Variants in TMEM175 observed in about 807,000 individuals in gnomAD.
The protein encoded by TMEM175 is endosomal/lysosomal proton channel TMEM175.
A neutral mutation model predicts 36.5 loss-of-function variants in TMEM175; 36 were observed. The observed-to-expected ratio is 0.99, with a 90% CI of 0.76 to 1.30. The LOEUF (loss-of-function observed/expected upper bound fraction) is 1.30, where lower values mean the gene tolerates loss of function less well. TMEM175 is among the 50% of genes most tolerant of loss of function. TMEM175 has a pLI of 0.00. For synonymous variants in TMEM175, 339 were observed against 313.4 expected, an observed-to-expected ratio of 1.08 and a Z score of -0.86; for missense variants, 705 against 692.8, an observed-to-expected ratio of 1.02 and a Z score of -0.20.
At chr4:938,321 C>T (rs973254074) in intron 1 of TMEM175, among the ~76,000 whole-genome samples, 15 of 152,134 alleles carry the variant, frequency 9.9e-5, no homozygotes, top group East Asian at 9.7e-4. Context: ...CTGGCCAACA[C>T]GGTGAAACCC....
chr4:945,845 C>G (rs1185874325), intron 1 of TMEM175, among the ~76,000 whole-genome samples: 1 of 152,146 alleles, frequency 6.6e-6, no homozygotes, highest in East Asian at 1.9e-4. Flanking sequence ...CCTGTCCTGC[C>G]CCCGGCTGCT....
At position 958,407 on chromosome 4, in the gene TMEM175, C is replaced by G. The variant is rs987212906; in HGVS notation, c.1426C>G (p.Leu476Val). 3 of 1,599,676 alleles carry G rather than the reference C, an allele frequency of 1.9e-6. No individual in the cohort carries two copies. The highest frequency in any genetic ancestry group is 2.5e-6 in the Non-Finnish European group (3 of 1,178,962). The change falls in exon 11 of 11, where the codon CTG (leucine) becomes GTG (valine). Residue 476 changes from leucine to valine, a missense_variant. Transcript: ENST00000264771. ...VGLALATLRV[L>V]RGLARPEHPP... ...CCTGGCCCTGGCCACCCTGCGGGTC[C>G]TGCGGGGCCTCGCCCGGCCCGAACA... is the stretch of plus-strand genomic sequence containing the variant.
chr4:955,340 G>A, intron 8 of TMEM175, 65 bp from the exon 9 acceptor site: 1 of 1,311,308 alleles, frequency 7.6e-7, no homozygotes, highest in South Asian at 1.2e-5. Flanking sequence ...ACACAGCTTT[G>A]TGTGGGTAAG....
At chr4:950,748 T>C (rs1163697734) in intron 4 of TMEM175, among the ~76,000 whole-genome samples, 1 of 137,568 alleles carries the variant, frequency 7.3e-6, no homozygotes, top group Admixed American at 7.2e-5. Context: ...GATGGTGCAA[T>C]AGGTGGAGGT....
At position 932,758 on chromosome 4, in the gene TMEM175, A is replaced by G. The variant is rs1157076855; in HGVS notation, c.-32+218A>G. Among the ~76,000 whole-genome samples the G allele has an allele frequency of 6.6e-6, 1 of 152,206 alleles. No individual in the cohort carries two copies. The highest frequency in any genetic ancestry group is 1.5e-5 in the Non-Finnish European group (1 of 68,038). On this transcript the variant is annotated intron_variant, in intron 1 of 10. Transcript: ENST00000264771. The surrounding 1 kb of genome is among the most constrained non-coding windows in gnomAD (Gnocchi z 4.0). The stretch of plus-strand genomic sequence containing the variant: ...GTTAGCGTGCGTTAAGCTTTCAGTA[A>G]ATACTTGGTTTTCGTCTCATGGAGG...
chr4:941,796 G>A (rs951071052), intron 1 of TMEM175, among the ~76,000 whole-genome samples: 2 of 151,946 alleles, frequency 1.3e-5, no homozygotes, highest in Admixed American at 6.6e-5. Context: ...TTGGCCAGGC[G>A]TGGTGGCTCA....
intron 3 of TMEM175, among the ~76,000 whole-genome samples, chr4:949,750 GCGGCCCC>G (rs1728630933): frequency 6.6e-6 from 1 of 152,142 alleles, no homozygotes; most frequent in Non-Finnish European, 1.5e-5. Flanking sequence ...CACGCCCACC[GCGGCCCC>G]CAGGGCAGGC....
chr4:943,817 C>A (rs1436500563), intron 1 of TMEM175, among the ~76,000 whole-genome samples: 1 of 152,100 alleles, frequency 6.6e-6, no homozygotes, highest in Non-Finnish European at 1.5e-5. Context: ...CAAAATGAAA[C>A]AATACACACG....
rs1467899329 is a variant in TMEM175 at position 958,377 on chromosome 4, G to GTGGGCC, written c.1400_1405dup (p.Gly467_Leu468dup). On this transcript the variant is annotated inframe_insertion, in exon 11 of 11. Transcript: ENST00000264771. The stretch of plus-strand genomic sequence containing the variant: ...CGCCTTCCTGTTGCTGCGCCTGCTC[G>GTGGGCC]TGGGCCTGGCCCTGGCCACCCTGCG... The GTGGGCC allele has an allele frequency of 6.2e-7, 1 of 1,602,450 alleles. No homozygotes were observed.
chr4:958,430 ACACCCCCCGC>A lies in TMEM175; in HGVS notation c.1452_1461del (p.His484GlnfsTer?). On this transcript the variant is annotated frameshift_variant, in exon 11 of 11. Transcript: ENST00000264771. LOFTEE classifies it low-confidence loss of function (END_TRUNC). ...TCCTGCGGGGCCTCGCCCGGCCCGA[ACACCCCCCGC>A]CAGCCCCCACGGGCCAGGACGACCC... The A allele has an allele frequency of 6.3e-7, 1 of 1,592,774 alleles. No individual in the cohort carries two copies. Among genetic ancestry groups the A allele is most frequent in the Non-Finnish European group, 8.5e-7 (1 of 1,175,832 alleles).
intron 10 of TMEM175, chr4:956,450 T>C: frequency 7.8e-7 from 1 of 1,278,600 alleles, no homozygotes; most frequent in African/African-American, 1.6e-5. Context: ...GGGGTTTTTT[T>C]TTTTTTTTTT....
chr4:947,630 C>G, intron 1 of TMEM175, 79 bp from the exon 2 acceptor site: 1 of 1,163,260 alleles, frequency 8.6e-7, no homozygotes, highest in Admixed American at 2.4e-5. Flanking sequence ...CAGTCCCTGT[C>G]CCTGCACCAG....
chr4:943,445 T>C (rs1435828781), intron 1 of TMEM175, among the ~76,000 whole-genome samples: 1 of 152,014 alleles, frequency 6.6e-6, no homozygotes, highest in Non-Finnish European at 1.5e-5. Flanking sequence ...AGAGATGGGG[T>C]TTCACCATGT....
At chr4:945,450 G>A (rs1560480388) in intron 1 of TMEM175, among the ~76,000 whole-genome samples, 1 of 151,998 alleles carries the variant, frequency 6.6e-6, no homozygotes, top group African/African-American at 2.4e-5. Flanking sequence ...CTGCCCTCCC[G>A]TCGCCTCACG....
intron 3 of TMEM175, chr4:948,509 A>C (rs1728471824): frequency 7.1e-7 from 1 of 1,400,414 alleles, no homozygotes; most frequent in South Asian, 1.2e-5. Context: ...GCGGGAGGGC[A>C]GCTGCCCCAG....
At chr4:942,116 T>G (rs1727593597) in intron 1 of TMEM175, among the ~76,000 whole-genome samples, 1 of 151,832 alleles carries the variant, frequency 6.6e-6, no homozygotes, top group African/African-American at 2.4e-5. Context: ...TGGAGTGCAG[T>G]GGTGCGATCT....
intron 1 of TMEM175, among the ~76,000 whole-genome samples, chr4:938,503 C>T (rs998862171): frequency 6.6e-6 from 1 of 151,128 alleles, no homozygotes; most frequent in African/African-American, 2.4e-5. Flanking sequence ...GACTCGGTCT[C>T]CAAAAAAAAG....
chr4:933,364 G>T (rs1432109488), intron 1 of TMEM175, among the ~76,000 whole-genome samples: 1 of 152,024 alleles, frequency 6.6e-6, no homozygotes, highest in Non-Finnish European at 1.5e-5. Context: ...AAAATTAGCC[G>T]AGCGTGGTGG....
At chr4:936,386 A>G (rs966775005) in intron 1 of TMEM175, among the ~76,000 whole-genome samples, 2 of 151,920 alleles carry the variant, frequency 1.3e-5, no homozygotes, top group Non-Finnish European at 2.9e-5. Flanking sequence ...AATAAGTATC[A>G]GAGTGGAATT....
Sources: gnomAD v4.1 joint callset for allele counts (sites outside exome capture counted in the v4.1 genomes callset) on GRCh38, gnomAD v4.1.1 for gene constraint, Gnocchi (gnomAD v3.1) non-coding constraint, MANE v1.5 for transcripts, NCBI Gene and HGNC (gene_info 2026-07-23, HGNC 2026-07-21) for gene names.